Variants in EFCAB3 observed in about 807,000 individuals in gnomAD.
The protein encoded by EFCAB3 is EF-hand calcium binding domain 3.
In EFCAB3, 36 loss-of-function variants were observed where a neutral mutation model predicts 42.2. The observed-to-expected ratio is 0.85, with a 90% CI of 0.65 to 1.13. EFCAB3 has a LOEUF of 1.13. Ranked by LOEUF, EFCAB3 falls within the 50% of genes most tolerant of loss-of-function variation. EFCAB3 has a pLI of 0.00. For synonymous variants in EFCAB3, 170 were observed against 172.8 expected, an observed-to-expected ratio of 0.98 and a Z score of 0.13; for missense variants, 418 against 505.1, an observed-to-expected ratio of 0.83 and a Z score of 1.65.
chr17:62,415,978 A>G, intron 9 of EFCAB3, 25 bp from the exon 10 acceptor site: 1 of 1,562,942 alleles, frequency 6.4e-7, no homozygotes, highest in East Asian at 2.2e-5. Flanking sequence ...GGTAACTACA[A>G]TAAACTTCTG....
At position 62,406,673 on chromosome 17, in the gene EFCAB3, A is replaced by T. The variant is rs768486519; in HGVS notation, c.682A>T (p.Arg228Ter). 6.2e-7 allele frequency: 1 copy of T among 1,613,756 alleles called. No individual in the cohort carries two copies. The highest frequency in any genetic ancestry group is 1.7e-5 in the Admixed American group (1 of 59,972). Reference sequence around the variant, plus strand: ...ATTTAAATTTCTTGAAGAGCTCAAGAGTAAGAGCCATTTGTTCTCTCTCTA... The same window carrying T: ...ATTTAAATTTCTTGAAGAGCTCAAGTGTAAGAGCCATTTGTTCTCTCTCTA... ...DLFKFLEELK[R>*]CNSGSDSPYS... Residue 228 changes from arginine (R) to a stop codon, truncating the protein, a stop_gained and splice_region_variant, in exon 7 of 10, where the codon AGA becomes TGA. Coordinates refer to ENST00000305286, the MANE Select transcript of EFCAB3 (RefSeq NM_173503.4). LOFTEE classifies it high-confidence loss of function.
chr17:62,392,239 A>G lies in EFCAB3; in HGVS notation c.295+274A>G, dbSNP rs76064899. Among the ~76,000 whole-genome samples, 517 of 150,814 alleles carry G rather than the reference A, an allele frequency of 3.4e-3. 3 individuals are homozygous for G. The highest frequency in any genetic ancestry group is 0.012 in the African/African-American group (483 of 41,112). On this transcript the variant is annotated intron_variant, in intron 4 of 9. Coordinates refer to ENST00000305286, the MANE Select transcript of EFCAB3 (RefSeq NM_173503.4). ...CATATATGTATATATCCATATATCT[A>G]TGTATACACCACACACACACACATA...
intron 3 of EFCAB3, among the ~76,000 whole-genome samples, chr17:62,389,575 T>C (rs1220260107): frequency 6.6e-6 from 1 of 152,196 alleles, no homozygotes; most frequent in Non-Finnish European, 1.5e-5. Flanking sequence ...CCATCCTTAC[T>C]GTCAATTGGT....
chr17:62,411,548 C>A (rs373384647), intron 8 of EFCAB3, among the ~76,000 whole-genome samples: 2 of 152,210 alleles, frequency 1.3e-5, no homozygotes, highest in East Asian at 3.9e-4. Context: ...GCAGGTGGAT[C>A]GCCTGAGGTC....
upstream of EFCAB3, among the ~76,000 whole-genome samples, chr17:62,377,496 T>C (rs912300792): frequency 6.6e-6 from 1 of 152,184 alleles, no homozygotes; most frequent in Admixed American, 6.5e-5. Context: ...GTTGTTGTTC[T>C]GGCCATAGAA....
intron 2 of EFCAB3, among the ~76,000 whole-genome samples, chr17:62,384,819 T>A (rs2070234728): frequency 6.6e-6 from 1 of 152,238 alleles, no homozygotes; most frequent in South Asian, 2.1e-4. Flanking sequence ...CATATGCATC[T>A]GGTAGAAACT....
At chr17:62,371,382 C>T (rs894816421) in intron 1 of EFCAB3, among the ~76,000 whole-genome samples, 23 of 150,772 alleles carry the variant, frequency 1.5e-4, no homozygotes, top group Admixed American at 6.6e-5. Flanking sequence ...TGGTGAAACC[C>T]CGTCTCTACT....
rs2070216395 is a variant in EFCAB3, at chr17:62,383,003, A to T, written c.24A>T (p.Pro8=). 1 of 1,613,782 alleles carries T rather than the reference A, an allele frequency of 6.2e-7. No individual in the cohort carries two copies. The highest frequency in any genetic ancestry group is 1.1e-5 in the South Asian group (1 of 90,952). Residue 8 remains proline, a synonymous_variant, in exon 2 of 10, where the codon CCA becomes CCT. Transcript: ENST00000305286. ...ACATGGCAGTTTCAGAAATTAAACCAAAACTTAAGCTGAATCCTCTAACAA... is the reference window on the plus strand; with the variant it reads ...ACATGGCAGTTTCAGAAATTAAACCTAAACTTAAGCTGAATCCTCTAACAA... MAVSEIK[P]KLKLNPLTKV...
At chr17:62,415,453 C>T (rs2070538654) in intron 9 of EFCAB3, among the ~76,000 whole-genome samples, 1 of 152,192 alleles carries the variant, frequency 6.6e-6, no homozygotes, top group Non-Finnish European at 1.5e-5. Context: ...AGTGTAAGGG[C>T]CTGCCTGTCC....
chr17:62,408,188 A>C (rs1297351463), intron 8 of EFCAB3, among the ~76,000 whole-genome samples: 4 of 152,224 alleles, frequency 2.6e-5, no homozygotes, highest in Non-Finnish European at 5.9e-5. Context: ...TATTTCTTTC[A>C]CTAAGGTATC....
At chr17:62,398,595 G>A (rs569798194) in intron 6 of EFCAB3, among the ~76,000 whole-genome samples, 2 of 151,994 alleles carry the variant, frequency 1.3e-5, no homozygotes, top group East Asian at 1.9e-4. Context: ...CTTGAGCCTG[G>A]GGGTCAAGGC....
At chr17:62,392,927 A>G (rs1206164683) in intron 4 of EFCAB3, among the ~76,000 whole-genome samples, 2 of 152,166 alleles carry the variant, frequency 1.3e-5, no homozygotes, top group Admixed American at 6.5e-5. Flanking sequence ...ATGAGCCACC[A>G]TGCCCAGCCA....
intron 9 of EFCAB3, among the ~76,000 whole-genome samples, chr17:62,415,408 G>A (rs1157439835): frequency 6.6e-6 from 1 of 152,194 alleles, no homozygotes; most frequent in Non-Finnish European, 1.5e-5. Flanking sequence ...ATAGGCTTTT[G>A]CTAGCCTCAC....
chr17:62,392,097 T>G, intron 4 of EFCAB3, 132 bp downstream of exon 4: 5 of 529,524 alleles, frequency 9.4e-6, no homozygotes, highest in Non-Finnish European at 1.4e-5. Flanking sequence ...TATATTTGTG[T>G]GTATATATAT....
chr17:62,404,188 T>C (rs1446215707), intron 6 of EFCAB3, among the ~76,000 whole-genome samples: 1 of 152,112 alleles, frequency 6.6e-6, no homozygotes, highest in Non-Finnish European at 1.5e-5. Flanking sequence ...CTCTGGGCTA[T>C]AGTGCACTAT....
chr17:62,396,171 A>C (rs1271057549), intron 6 of EFCAB3, among the ~76,000 whole-genome samples: 1 of 152,232 alleles, frequency 6.6e-6, no homozygotes, highest in African/African-American at 2.4e-5. Context: ...ATACATGTGA[A>C]GTGCTTAGCA....
chr17:62,406,401 GTAAC>G, intron 6 of EFCAB3, 75 bp from the exon 7 acceptor site: 7 of 1,209,178 alleles, frequency 5.8e-6, no homozygotes, highest in Non-Finnish European at 8.0e-6. Context: ...TTCAGCATAT[GTAAC>G]TAGCAACTTG....
chr17:62,380,328 A>G (rs934231647), upstream of EFCAB3, among the ~76,000 whole-genome samples: 4 of 152,238 alleles, frequency 2.6e-5, no homozygotes, highest in Non-Finnish European at 5.9e-5. Context: ...ATGAAAATAT[A>G]TTAATATAGA....
chr17:62,374,612 C>T (rs960416302), intron 2 of EFCAB3, among the ~76,000 whole-genome samples: 1 of 152,044 alleles, frequency 6.6e-6, no homozygotes, highest in African/African-American at 2.4e-5. Context: ...TGCCATGTTC[C>T]AAATGAATGG....
Sources: allele counts gnomAD v4.1 joint callset (sites outside exome capture counted in the v4.1 genomes callset), GRCh38; gene constraint gnomAD v4.1.1; transcripts MANE v1.5; gene names NCBI Gene and HGNC (gene_info 2026-07-23, HGNC 2026-07-21).